The following PRH1 variants were observed in gnomAD, a reference collection of about 807,000 sequenced individuals.
PRH1 encodes salivary acidic proline-rich phosphoprotein 1/2.
PRH1 carries 7 observed loss-of-function variants against 7.9 expected under a neutral mutation model. The ratio of observed to expected loss-of-function variants is 0.89; its 90% CI spans 0.50 to 1.67. The LOEUF is 1.67. PRH1 is among the 40% of genes most tolerant of loss of function. PRH1 has a pLI of 0.00. For missense variants in PRH1, 109 were observed against 223.6 expected (o/e 0.49, Z 3.27); for synonymous variants, 45 against 80.8 (o/e 0.56, Z 2.38).
Position 11,097,758 on chromosome 12 carries a change from T to C in PRH1, n.124-50570A>G, listed in dbSNP as rs1945105637. ...ATATAGATGATGAAGAGAATGATGATGGCAGGTGAAAGGGAGAATGCTATT... is the reference window on the plus strand; with the variant it reads ...ATATAGATGATGAAGAGAATGATGACGGCAGGTGAAAGGGAGAATGCTATT... On this transcript the variant is annotated intron_variant and non_coding_transcript_variant, in intron 1 of 4. Coordinates refer to the PRH1 transcript ENST00000541977. Among the ~76,000 whole-genome samples the C allele has an allele frequency of 3.5e-5, 4 of 113,968 alleles. 2 individuals are homozygous for C. The Admixed American group carries it at 3.6e-4, about 10-fold the overall frequency. 74.8% of individuals were successfully genotyped at this position (113,968 alleles called of 152,430 possible).
intron 1 of PRH1, chr12:10,997,608 C>T: frequency 6.2e-7 from 1 of 1,614,000 alleles, no homozygotes; most frequent in South Asian, 1.1e-5. Context: ...TGATTGGTTA[C>T]TGCCCAGGCA....
At chr12:10,940,317 A>C (rs1950378122) in intron 2 of PRH1, among the ~76,000 whole-genome samples, 1 of 152,190 alleles carries the variant, frequency 6.6e-6, no homozygotes, top group African/African-American at 2.4e-5. Flanking sequence ...AGCATTTATT[A>C]TGCATCTAGT....
intron 1 of PRH1, among the ~76,000 whole-genome samples, chr12:11,076,417 C>A (rs11507733): frequency 8.4e-6 from 1 of 119,116 alleles, no homozygotes; most frequent in Non-Finnish European, 1.8e-5. Context: ...TCTATACTCT[C>A]TTTGGGACTT....
At chr12:11,031,381 C>T (rs375736512) in intron 1 of PRH1, 53 of 1,588,518 alleles carry the variant, frequency 3.3e-5, no homozygotes, top group Admixed American at 2.7e-4. Context: ...GTGTTGTGTC[C>T]GGAGTTGGTT....
intron 1 of PRH1, among the ~76,000 whole-genome samples, chr12:11,110,125 G>C (rs2597951): frequency 0.46 from 69,143 of 151,866 alleles, 16,547 homozygotes; most frequent in Non-Finnish European, 0.53. Flanking sequence ...AGAGAAAAAA[G>C]AATGAAAAGG....
chr12:11,001,545 T>A (rs1420381537), intron 1 of PRH1, among the ~76,000 whole-genome samples: 1 of 152,082 alleles, frequency 6.6e-6, no homozygotes, highest in East Asian at 1.9e-4. Flanking sequence ...CCTCCTCCCA[T>A]CCTCCTCAAA....
chr12:11,001,201 C>G (rs951828744), intron 1 of PRH1, among the ~76,000 whole-genome samples: 6 of 151,840 alleles, frequency 4.0e-5, no homozygotes, highest in Non-Finnish European at 8.8e-5. Flanking sequence ...TGAGTCTTCA[C>G]CACAAACTCT....
At chr12:11,126,146 C>T (rs1291403922) in intron 1 of PRH1, among the ~76,000 whole-genome samples, 2 of 152,262 alleles carry the variant, frequency 1.3e-5, no homozygotes, top group African/African-American at 4.8e-5. Flanking sequence ...GTTACCACAT[C>T]TTGGTCATGA....
intron 1 of PRH1, among the ~76,000 whole-genome samples, chr12:11,108,135 C>G (rs1485113061): frequency 6.6e-6 from 1 of 152,158 alleles, no homozygotes; most frequent in Admixed American, 6.5e-5. Context: ...CCAACAAAAG[C>G]TGAGTGATTT....
At chr12:10,997,982 A>G (rs769430888) in intron 1 of PRH1, 3 of 680,012 alleles carry the variant, frequency 4.4e-6, no homozygotes, top group Non-Finnish European at 7.2e-6. Flanking sequence ...CTGAATGTCC[A>G]ATAACATTCT....
At position 10,923,376 on chromosome 12, in the gene PRH1, G is replaced by A. The variant is rs137923805; in HGVS notation, c.-58-39101C>T. The stretch of plus-strand genomic sequence containing the variant: ...ACTCCTGACCTCAGGTGATCTGCCC[G>A]CCTTGGCCTCCCAAAGTGCTGGAAT... On this transcript the variant is annotated intron_variant, in intron 2 of 3. Coordinates refer to the PRH1 transcript ENST00000539853. 2.9e-3 allele frequency among the ~76,000 whole-genome samples: 434 copies of A among 152,106 alleles called. 1 individual carries two copies. The highest frequency in any genetic ancestry group is 0.014 in the Middle Eastern group (4 of 294).
chr12:11,009,597 A>T (rs192866850), intron 1 of PRH1, among the ~76,000 whole-genome samples: 4 of 152,058 alleles, frequency 2.6e-5, no homozygotes, highest in Admixed American at 2.6e-4. Flanking sequence ...TCTAGCCATG[A>T]AAATAGTAAC....
intron 2 of PRH1, among the ~76,000 whole-genome samples, chr12:10,918,242 A>G (rs1949999703): frequency 1.3e-5 from 2 of 152,122 alleles, no homozygotes; most frequent in African/African-American, 4.8e-5. Context: ...GTGGGAGAGC[A>G]TTAGAGAAAA....
chr12:10,976,957 C>T (rs377655164), intron 1 of PRH1, among the ~76,000 whole-genome samples: 2 of 152,146 alleles, frequency 1.3e-5, no homozygotes, highest in African/African-American at 4.8e-5. Context: ...CAGGACCAGA[C>T]AGATTCACAG....
intron 1 of PRH1, among the ~76,000 whole-genome samples, chr12:11,114,423 C>T (rs1406476334): frequency 6.6e-6 from 1 of 152,128 alleles, no homozygotes; most frequent in Non-Finnish European, 1.5e-5. Flanking sequence ...CCAAACACCA[C>T]ATTATCACTC....
intron 1 of PRH1, among the ~76,000 whole-genome samples, chr12:10,883,455 A>G (rs1949441494): frequency 6.6e-6 from 1 of 151,996 alleles, no homozygotes. Flanking sequence ...CCTCTATAGC[A>G]TTTGCCTGTA....
chr12:11,043,538 T>C (rs1414569805), intron 1 of PRH1, among the ~76,000 whole-genome samples: 1 of 152,138 alleles, frequency 6.6e-6, no homozygotes, highest in Non-Finnish European at 1.5e-5. Context: ...CTTATATTTA[T>C]AAAACCTGAA....
At chr12:11,150,764 T>A (rs974137598) in intron 1 of PRH1, among the ~76,000 whole-genome samples, 1 of 152,308 alleles carries the variant, frequency 6.6e-6, no homozygotes, top group Non-Finnish European at 1.5e-5. Context: ...GGCTCATGTA[T>A]ACATATGTAA....
chr12:10,895,824 C>A (rs1234175678), intron 2 of PRH1: 3 of 152,162 alleles, frequency 2.0e-5, no homozygotes, highest in African/African-American at 7.2e-5. Flanking sequence ...CCCACAGTCC[C>A]CATTATGAAT....
Sources: allele counts gnomAD v4.1 joint callset (sites outside exome capture counted in the v4.1 genomes callset), GRCh38; gene constraint gnomAD v4.1.1; transcripts MANE v1.5; gene names NCBI Gene and HGNC (gene_info 2026-07-23, HGNC 2026-07-21).